AUTS2: variants seen among roughly 807,000 people sequenced by gnomAD.
AUTS2 encodes the protein activator of transcription and developmental regulator AUTS2.
A neutral mutation model predicts 112.4 loss-of-function variants in AUTS2; 17 were observed. That is an observed-to-expected ratio of 0.15 (90% CI 0.10 to 0.23). The LOEUF (loss-of-function observed/expected upper bound fraction) is 0.23, where lower values mean the gene tolerates loss of function less well. Among genes scored for constraint, AUTS2 ranks in the 10% least tolerant of loss-of-function variants. The pLI is 1.00. For missense variants in AUTS2, 1,510 were observed against 1,701.6 expected (o/e 0.89, Z 1.98); for synonymous variants, 751 against 702.7 (o/e 1.07, Z -1.09).
chr7:70,309,896 G>GA (rs1316474804), intron 4 of AUTS2, among the ~76,000 whole-genome samples: 1 of 152,196 alleles, frequency 6.6e-6, no homozygotes. Context: ...CCTAAGAGGG[G>GA]AGAGGTAAAG....
At chr7:70,778,235 C>T (rs1248592061) in intron 14 of AUTS2, among the ~76,000 whole-genome samples, 1 of 152,164 alleles carries the variant, frequency 6.6e-6, no homozygotes, top group African/African-American at 2.4e-5. Flanking sequence ...CTGTATTTTA[C>T]AGTCTGGGTA....
At chr7:69,663,608 G>A (rs1795901749) in intron 1 of AUTS2, among the ~76,000 whole-genome samples, 1 of 152,166 alleles carries the variant, frequency 6.6e-6, no homozygotes, top group South Asian at 2.1e-4. Context: ...ATTGGGTTGT[G>A]TATACCTTTT....
At chr7:70,138,603 C>A (rs1458957223) in intron 4 of AUTS2, among the ~76,000 whole-genome samples, 1 of 152,146 alleles carries the variant, frequency 6.6e-6, no homozygotes, top group East Asian at 1.9e-4. Flanking sequence ...TAAGGATTCT[C>A]AACTAATAAT....
intron 5 of AUTS2, among the ~76,000 whole-genome samples, chr7:70,696,188 A>T (rs1809087966): frequency 6.6e-6 from 1 of 152,206 alleles, no homozygotes; most frequent in Admixed American, 6.5e-5. Context: ...CGTTGAGGAA[A>T]AGCAAAGGGT....
chr7:70,505,172 A>C lies in AUTS2; in HGVS notation c.690+69391A>C, dbSNP rs115120238. ...AATAGATGACTGTAAGCATATTTCT[A>C]TGCGTTCATTAGCCTCAGGGAGGTT... On this transcript the variant is annotated intron_variant, in intron 5 of 18. Coordinates refer to ENST00000342771, the MANE Select transcript of AUTS2 (RefSeq NM_015570.4). 3.3e-5 allele frequency among the ~76,000 whole-genome samples: 5 copies of C among 152,280 alleles called. No homozygotes were observed. The South Asian group carries it at 1.0e-3, about 32-fold the overall frequency.
At chr7:70,442,648 T>C (rs1393519841) in intron 5 of AUTS2, among the ~76,000 whole-genome samples, 3 of 152,046 alleles carry the variant, frequency 2.0e-5, no homozygotes, top group African/African-American at 7.2e-5. Context: ...CCACCATGCC[T>C]GGCTAATTTT....
intron 2 of AUTS2, among the ~76,000 whole-genome samples, chr7:70,075,344 G>A (rs1296075104): frequency 6.6e-6 from 1 of 151,914 alleles, no homozygotes; most frequent in East Asian, 1.9e-4. Context: ...ATGTCCCAGT[G>A]CAGAGTTGGC....
intron 6 of AUTS2, among the ~76,000 whole-genome samples, chr7:70,750,443 G>C (rs930651251): frequency 6.7e-6 from 1 of 149,872 alleles, no homozygotes; most frequent in Non-Finnish European, 1.5e-5. Flanking sequence ...TCCCACCTCA[G>C]CCTCCACCTC....
intron 5 of AUTS2, among the ~76,000 whole-genome samples, chr7:70,613,076 T>C (rs1804178583): frequency 6.6e-6 from 1 of 152,122 alleles, no homozygotes; most frequent in Non-Finnish European, 1.5e-5. Flanking sequence ...CTGGAGCTGA[T>C]TGATGCAAAT....
intron 4 of AUTS2, among the ~76,000 whole-genome samples, chr7:70,151,912 A>G (rs1562742228): frequency 6.6e-6 from 1 of 152,216 alleles, no homozygotes. Flanking sequence ...GTCAATCAGA[A>G]CTGAATCAGA....
At chr7:69,937,083 T>C (rs1008737915) in intron 2 of AUTS2, among the ~76,000 whole-genome samples, 3 of 152,124 alleles carry the variant, frequency 2.0e-5, no homozygotes, top group African/African-American at 7.2e-5. Flanking sequence ...GTGTGTGATG[T>C]GGAGTGGCCA....
chr7:70,159,368 A>T (rs896593566), intron 4 of AUTS2, among the ~76,000 whole-genome samples: 2 of 152,208 alleles, frequency 1.3e-5, no homozygotes, highest in East Asian at 3.8e-4. Flanking sequence ...CATGTGGTTA[A>T]ACTTCTCTGA....
intron 4 of AUTS2, among the ~76,000 whole-genome samples, chr7:70,194,022 C>T (rs1259746708): frequency 6.6e-6 from 1 of 152,172 alleles, no homozygotes; most frequent in Non-Finnish European, 1.5e-5. Context: ...TTACCAAAAT[C>T]TGTGATTGTG....
At chr7:70,600,000 C>T (rs967439951) in intron 5 of AUTS2, among the ~76,000 whole-genome samples, 10 of 152,142 alleles carry the variant, frequency 6.6e-5, no homozygotes, top group Non-Finnish European at 1.3e-4. Flanking sequence ...TTCAGCACCC[C>T]GGGGACTCAT....
chr7:70,688,401 T>A (rs184952531), intron 5 of AUTS2, among the ~76,000 whole-genome samples: 2 of 152,280 alleles, frequency 1.3e-5, no homozygotes, highest in East Asian at 3.9e-4. Flanking sequence ...TAAAGTGTTG[T>A]CTCCAGACAC....
intron 4 of AUTS2, among the ~76,000 whole-genome samples, chr7:70,350,956 G>C (rs1791724999): frequency 1.3e-5 from 2 of 151,404 alleles, no homozygotes; most frequent in Admixed American, 1.3e-4. Context: ...CCATATATGA[G>C]TGAGATCATG....
chr7:70,066,128 GC>G (rs926750924), intron 2 of AUTS2, among the ~76,000 whole-genome samples: 3 of 152,216 alleles, frequency 2.0e-5, no homozygotes, highest in African/African-American at 7.2e-5. Context: ...TGATAATTTT[GC>G]CATCATTTTT....
At chr7:70,219,624 T>G (rs1584892670) in intron 4 of AUTS2, among the ~76,000 whole-genome samples, 1 of 150,606 alleles carries the variant, frequency 6.6e-6, no homozygotes, top group Non-Finnish European at 1.5e-5. Context: ...TAGGCTGGAG[T>G]GCAGTGGCAT....
chr7:70,472,368 G>A (rs965446598), intron 5 of AUTS2, among the ~76,000 whole-genome samples: 28 of 118,188 alleles, frequency 2.4e-4, no homozygotes, highest in African/African-American at 8.7e-4. Context: ...TTTGGGGTGG[G>A]GTTTTTTTTT....
Sources: allele counts gnomAD v4.1 joint callset (sites outside exome capture counted in the v4.1 genomes callset), GRCh38; gene constraint gnomAD v4.1.1; transcripts MANE v1.5; gene names NCBI Gene and HGNC (gene_info 2026-07-23, HGNC 2026-07-21).